The following USP6 variants were observed in gnomAD, a reference collection of about 807,000 sequenced individuals.
The protein encoded by USP6 is ubiquitin carboxyl-terminal hydrolase 6.
A neutral mutation model predicts 175.7 loss-of-function variants in USP6; 128 were observed. The observed-to-expected ratio is 0.73, with a 90% CI of 0.63 to 0.84. The LOEUF (loss-of-function observed/expected upper bound fraction) is 0.84. Ranked by LOEUF, USP6 falls within the 40% of genes least tolerant of loss-of-function variation. USP6 has a pLI of 0.00. For synonymous variants in USP6, 562 were observed against 630.6 expected, an observed-to-expected ratio of 0.89 and a Z score of 1.63; for missense variants, 1,498 against 1,760.3, an observed-to-expected ratio of 0.85 and a Z score of 2.67.
Position 5,167,979 on chromosome 17 carries a change from C to A in USP6, c.3084C>A (p.Ala1028=). The A allele has an allele frequency of 6.2e-7, 1 of 1,611,904 alleles. No homozygotes were observed. The highest frequency in any genetic ancestry group is 8.5e-7 in the Non-Finnish European group (1 of 1,179,822). The part of the protein sequence containing the change: ...ESVEQSRRAQ[A]EPINLDSCLR... ...TGGAGCAGAGTCGGCGAGCGCAAGC[C>A]GAGCCCATCAACCTGGACAGCTGTC... Residue 1028 remains alanine (A), a synonymous_variant, in exon 34 of 38, where the codon GCC becomes GCA. Transcript: ENST00000574788.
chr17:5,171,740 T>C (rs753416850), intron 37 of USP6, 61 bp downstream of exon 37: 44 of 1,530,292 alleles, frequency 2.9e-5, no homozygotes, highest in Non-Finnish European at 3.8e-5. Flanking sequence ...GAACATTTGT[T>C]GAAATAATGG....
intron 24 of USP6, 124 bp downstream of exon 24, chr17:5,142,265 G>T: frequency 6.5e-7 from 1 of 1,535,356 alleles, no homozygotes; most frequent in Non-Finnish European, 8.8e-7. Flanking sequence ...TATTTAATAT[G>T]AAATAGGCCA....
Position 5,130,642 on chromosome 17 carries a change from C to T in USP6, c.113C>T (p.Pro38Leu). The T allele has an allele frequency of 1.9e-6, 3 of 1,613,924 alleles. No homozygotes were observed. Among genetic ancestry groups the T allele is most frequent in the Non-Finnish European group, 2.5e-6 (3 of 1,179,838 alleles). The change falls in exon 11 of 38, where the codon CCC becomes CTC. Residue 38 changes from proline (P) to leucine (L), a missense_variant. Transcript: ENST00000574788. ...CTGCCAGAGGACAAGGGGCCTGAGC[C>T]CGTTGGAATCAACAGCAGCATTGAT... ...AGLPEDKGPE[P>L]VGINSSIDRF... is the part of the protein sequence containing the mutation.
At position 5,130,676 on chromosome 17, in the gene USP6, C is replaced by T. The variant is rs1198585745; in HGVS notation, c.147C>T (p.Gly49=). ...TCAACAGCAGCATTGATCGTTTTGG[C>T]ATTTTGCAGTGAGTCATCCTCTATG... ...VGINSSIDRF[G]ILHETELPPV... The change falls in exon 11 of 38, where the codon GGC becomes GGT. Residue 49 remains glycine (G), a synonymous_variant. Coordinates refer to ENST00000574788, the MANE Select transcript of USP6 (RefSeq NM_001304284.2). 7 of 1,613,968 alleles carry T rather than the reference C, an allele frequency of 4.3e-6. No individual in the cohort carries two copies. Among genetic ancestry groups the T allele is most frequent in the Non-Finnish European group, 5.1e-6 (6 of 1,179,818 alleles).
chr17:5,139,284 A>G lies in USP6; in HGVS notation c.1108A>G (p.Arg370Gly). Residue 370 changes from arginine to glycine, a missense_variant, in exon 22 of 38, where the codon AGG (arginine) becomes GGG (glycine). Arg to Gly is a moderately radical substitution (Grantham distance 125). Transcript: ENST00000574788. ...AKREQGSLAP[R>G]PVPASRGGKT... is the part of the protein sequence containing the mutation. ...ACGCGAGCAAGGGTCCTTGGCACCCAGGCCTGTGCCGGCTTCACGTGGTGG... is the reference window on the plus strand; with the variant it reads ...ACGCGAGCAAGGGTCCTTGGCACCCGGGCCTGTGCCGGCTTCACGTGGTGG... 1.2e-6 allele frequency: 2 copies of G among 1,605,466 alleles called. No individual in the cohort carries two copies. Among genetic ancestry groups the G allele is most frequent in the Non-Finnish European group, 8.5e-7 (1 of 1,179,996 alleles).
chr17:5,125,645 T>C (rs4100643), intron 5 of USP6, among the ~76,000 whole-genome samples, 176 bp from the exon 6 acceptor site: 150,554 of 150,746 alleles, frequency 1, 75,181 homozygotes, highest in Middle Eastern at 1. Flanking sequence ...ACTGTAACCC[T>C]TGCAACACAC....
At chr17:5,138,946 G>A (rs28645497) in intron 21 of USP6, 157,002 of 1,383,412 alleles carry the variant, frequency 0.11, 18,099 homozygotes, top group East Asian at 0.46. Context: ...TCCCACTTGA[G>A]TTCTGATGGG....
intron 15 of USP6, 21 bp from the exon 16 acceptor site, chr17:5,135,213 C>T (rs763500738): frequency 2.5e-6 from 4 of 1,611,686 alleles, no homozygotes; most frequent in Admixed American, 1.7e-5. Context: ...CAAACCATAG[C>T]CCCCTTTCTG....
At position 5,130,441 on chromosome 17, in the gene USP6, T is replaced by C. The variant is rs1158093263; in HGVS notation, c.72+2T>C. 6.2e-7 allele frequency: 1 copy of C among 1,614,058 alleles called. No individual in the cohort carries two copies. The highest frequency in any genetic ancestry group is 1.7e-5 in the Admixed American group (1 of 60,010). On this transcript the variant is annotated splice_donor_variant, in intron 10 of 37. Coordinates refer to ENST00000574788, the MANE Select transcript of USP6 (RefSeq NM_001304284.2). LOFTEE classifies it high-confidence loss of function. Reference sequence around the variant, plus strand: ...GACATACTTATGAAGTATGACAAGGTACAGTTCGGTCTGCTCCTTGGAGGG... The same window carrying C: ...GACATACTTATGAAGTATGACAAGGCACAGTTCGGTCTGCTCCTTGGAGGG...
At chr17:5,152,889 A>T (rs1467678826) in intron 30 of USP6, among the ~76,000 whole-genome samples, 1 of 152,176 alleles carries the variant, frequency 6.6e-6, no homozygotes, top group African/African-American at 2.4e-5. Context: ...CCAGCTACTC[A>T]GGAGGCTGAG....
rs569482416 is a variant in USP6 at position 5,170,790 on chromosome 17, T to C, written c.3829T>C (p.Cys1277Arg). The C allele has an allele frequency of 2.5e-6, 4 of 1,613,872 alleles. No homozygotes were observed. Among genetic ancestry groups the C allele is most frequent in the East Asian group, 2.2e-5 (1 of 44,892 alleles). The part of the protein sequence containing the change: ...ANGFLYEHEA[C>R]GNGCGDGYSN... ...TGGATTCCTTTATGAGCATGAAGCATGTGGCAATGGCTGTGGCGATGGCTA... is the reference window on the plus strand; with the variant it reads ...TGGATTCCTTTATGAGCATGAAGCACGTGGCAATGGCTGTGGCGATGGCTA... Residue 1277 changes from cysteine (C) to arginine (R), a missense_variant, in exon 36 of 38, where the codon TGT becomes CGT. Around this residue, in one of 2 missense-constraint regions of USP6, gnomAD observed 1,217 missense variants for 1,500.8 expected, o/e 0.81. Transcript: ENST00000574788.
rs2073092799 is a variant in USP6 at position 5,132,233 on chromosome 17, C to CA, written c.156-162dup. ...CCCAGGTCCTGCCCCTCCTGGGAGT[C>CA]AGAGCCACAGGAAGGCCCTTGTCCT... On this transcript the variant is annotated intron_variant, in intron 11 of 37. Transcript: ENST00000574788. This position sits in a 1 kb window ranked among gnomAD's most constrained non-coding sequence, Gnocchi z 4.7. 1 of 1,582,208 alleles carries CA rather than the reference C, an allele frequency of 6.3e-7. No homozygotes were observed. Among genetic ancestry groups the CA allele is most frequent in the South Asian group, 1.1e-5 (1 of 88,818 alleles).
intron 30 of USP6, among the ~76,000 whole-genome samples, chr17:5,150,321 A>AATAAATAG (rs2073732546): frequency 6.7e-6 from 1 of 149,916 alleles, no homozygotes; most frequent in Non-Finnish European, 1.5e-5. Context: ...TAAATAAATA[A>AATAAATAG]ATAAATAAAT....
At chr17:5,171,766 G>A (rs2074223302) in intron 37 of USP6, 87 bp downstream of exon 37, 3 of 1,360,334 alleles carry the variant, frequency 2.2e-6, no homozygotes, top group Admixed American at 4.0e-5. Context: ...CTCTTGAATA[G>A]GAAATAGATA....
intron 17 of USP6, 62 bp downstream of exon 17, chr17:5,135,990 G>C: frequency 6.3e-7 from 1 of 1,595,948 alleles, no homozygotes; most frequent in African/African-American, 1.3e-5. Flanking sequence ...ACTGTGGCCA[G>C]GTGATCTCGG....
chr17:5,136,782 G>C, intron 18 of USP6, 48 bp downstream of exon 18: 1 of 1,600,392 alleles, frequency 6.2e-7, no homozygotes, highest in Non-Finnish European at 8.6e-7. Context: ...TGCCTCCTGT[G>C]GGGCTGTAGG....
intron 30 of USP6, among the ~76,000 whole-genome samples, chr17:5,148,986 T>A (rs1356232612): frequency 1.3e-5 from 2 of 152,238 alleles, no homozygotes; most frequent in African/African-American, 4.8e-5. Context: ...TATGCTAATA[T>A]AAGTGATCAG....
Position 5,133,920 on chromosome 17 carries a change from C to T in USP6, c.418C>T (p.His140Tyr), listed in dbSNP as rs1301586889. The change falls in exon 15 of 38, where the codon CAC (histidine) becomes TAC (tyrosine). Residue 140 changes from histidine (H) to tyrosine (Y), a missense_variant. Physicochemically the swap from His to Tyr is moderately conservative, Grantham distance 83. This residue lies in a region of USP6 where 281 missense variants were observed against 259.6 expected (regional missense o/e 1.08). Transcript: ENST00000574788. ...GGAGAGGGGCAAGAGGTCATCTGAA[C>T]ACATCCACCACATCGACCTGGACGT... The part of the protein sequence containing the change: ...MKERGKRSSE[H>Y]IHHIDLDVRT... 6 of 1,614,090 alleles carry T rather than the reference C, an allele frequency of 3.7e-6. No individual in the cohort carries two copies. Among genetic ancestry groups the T allele is most frequent in the Non-Finnish European group, 4.2e-6 (5 of 1,180,028 alleles).
Position 5,161,579 on chromosome 17 carries a change from A to T in USP6, c.2880A>T (p.Lys960Asn). Residue 960 changes from lysine (K) to asparagine (N), a missense_variant, in exon 32 of 38, where the codon AAA (lysine) becomes AAT (asparagine). This residue lies in a region of USP6 where 1,217 missense variants were observed against 1,500.8 expected (regional missense o/e 0.81). Transcript: ENST00000574788. Reference sequence around the variant, plus strand: ...CATTCACTCTACGAGTTGTGCAGAAAGATGGGAACTCCTGTGCTTGGTGCC... The same window carrying T: ...CATTCACTCTACGAGTTGTGCAGAATGATGGGAACTCCTGTGCTTGGTGCC... The part of the protein sequence containing the change: ...QYPFTLRVVQ[K>N]DGNSCAWCPQ... 1 of 1,614,084 alleles carries T rather than the reference A, an allele frequency of 6.2e-7. No individual in the cohort carries two copies. Among genetic ancestry groups the T allele is most frequent in the African/African-American group, 1.3e-5 (1 of 75,068 alleles).
Sources: gnomAD v4.1 joint callset for allele counts (sites outside exome capture counted in the v4.1 genomes callset) on GRCh38, gnomAD v4.1.1 for gene constraint, gnomAD v4.1.1 regional missense constraint, Gnocchi (gnomAD v3.1) non-coding constraint, MANE v1.5 for transcripts, NCBI Gene and HGNC (gene_info 2026-07-23, HGNC 2026-07-21) for gene names.